Variants in GABARAP observed in about 807,000 individuals in gnomAD.
GABARAP encodes GABA type A receptor-associated protein, also known as gamma-aminobutyric acid receptor-associated protein.
Under a neutral mutation model 16.7 loss-of-function variants are expected in GABARAP, and 5 were observed. The ratio of observed to expected loss-of-function variants is 0.30; its 90% CI spans 0.16 to 0.63. GABARAP has a LOEUF of 0.63. GABARAP is among the 20% of genes least tolerant of loss of function. The probability of loss-of-function intolerance (pLI) is 0.82; values close to 1 mark genes in which losing one functional copy is unlikely to be tolerated. For synonymous variants in GABARAP, 45 were observed against 52.7 expected (o/e 0.85, Z 0.64); for missense variants, 84 against 146.6 (o/e 0.57, Z 2.21).
Position 7,240,703 on chromosome 17 carries a change from G to A in GABARAP, c.*151C>T, listed in dbSNP as rs903247563. 16 of 633,208 alleles carry A rather than the reference G, an allele frequency of 2.5e-5. No homozygotes were observed. The highest frequency in any genetic ancestry group is 2.4e-4 in the African/African-American group (13 of 54,912). 39.2% of individuals were successfully genotyped at this position (633,208 alleles called of 1,614,324 possible). ...CCAACTCCACCATTACCCCTCCTAA[G>A]AGAGGCTGGAGAGAAAGCCACAAAC... On this transcript the variant is annotated 3_prime_UTR_variant, in exon 4 of 4. Transcript: ENST00000302386.
In GABARAP at chr17:7,240,597, C is replaced by G. The variant is rs1201866971; in HGVS notation, c.*257G>C. 6.9e-6 allele frequency: 3 copies of G among 435,304 alleles called. No individual in the cohort carries two copies. Among genetic ancestry groups the G allele is most frequent in the African/African-American group, 2.0e-5 (1 of 49,000 alleles). 27.0% of individuals were successfully genotyped at this position (435,304 alleles called of 1,614,324 possible). A position where few individuals can be genotyped will look rare whatever the true frequency, so the allele number is the denominator to read the frequency against. ...AAACAATCACTGGATGTGACACAGA[C>G]TGACAATCAAGAAGTCTACAGCAGG... is the stretch of plus-strand genomic sequence containing the variant. On this transcript the variant is annotated 3_prime_UTR_variant, in exon 4 of 4. Transcript: ENST00000302386.
chr17:7,242,182 G>T, intron 1 of GABARAP, 59 bp downstream of exon 1: 3 of 1,310,546 alleles, frequency 2.3e-6, no homozygotes, highest in Non-Finnish European at 3.3e-6. Flanking sequence ...CCGATCCAAG[G>T]CCAGGCTGTG....
chr17:7,241,658 T>C lies in GABARAP; in HGVS notation c.112A>G (p.Lys38Glu). 1 of 1,610,234 alleles carries C rather than the reference T, an allele frequency of 6.2e-7. No individual in the cohort carries two copies. Among genetic ancestry groups the C allele is most frequent in the Non-Finnish European group, 8.5e-7 (1 of 1,176,496 alleles). Residue 38 changes from lysine (K) to glutamate (E), a missense_variant, in exon 2 of 4, where the codon AAA (lysine) becomes GAA (glutamate). By Grantham distance (56) the Lys-to-Glu change is moderately conservative. Transcript: ENST00000302386. ...TTGTCCAGGTCTCCTATCCGAGCTT[T>C]GGGAGCCTTTTCTACTATCACCTGA... ...RVPVIVEKAP[K>E]ARIGDLDKKK...
At chr17:7,241,277 T>C in intron 3 of GABARAP, 65 bp downstream of exon 3, 1 of 851,494 alleles carries the variant, frequency 1.2e-6, no homozygotes, top group South Asian at 1.3e-5. Flanking sequence ...GTAACAACAC[T>C]TTCTTCCCCT....
At chr17:7,241,183 C>T (rs988886985) in intron 3 of GABARAP, 159 bp downstream of exon 3, 3 of 691,146 alleles carry the variant, frequency 4.3e-6, no homozygotes, top group Admixed American at 2.2e-5. Context: ...CTTCTCTCTA[C>T]TCCTACTGTT....
In GABARAP at chr17:7,241,479, G is replaced by A. The variant is rs2071777944; in HGVS notation, c.170-19C>T. 2.1e-6 allele frequency: 3 copies of A among 1,415,508 alleles called. No individual in the cohort carries two copies. The highest frequency in any genetic ancestry group is 1.4e-5 in the African/African-American group (1 of 71,154). The allele number at this position is 1,415,508 out of a possible 1,614,324, so 87.7% of individuals were successfully genotyped here. Reference sequence around the variant, plus strand: ...TGACCAACTGCAAAAGATACAAGATGCAAGAAAGTCACAGAGGTCAAAAAT... The same window carrying A: ...TGACCAACTGCAAAAGATACAAGATACAAGAAAGTCACAGAGGTCAAAAAT... On this transcript the variant is annotated intron_variant, in intron 2 of 3. Transcript: ENST00000302386.
chr17:7,241,859 T>G, intron 1 of GABARAP, 180 bp from the exon 2 acceptor site: 2 of 612,426 alleles, frequency 3.3e-6, no homozygotes. Flanking sequence ...GGAGCTCATT[T>G]AAATATCCAG....
In GABARAP at chr17:7,240,625, G is replaced by A; in HGVS notation, c.*229C>T. ...ACAATCAAGAAGTCTACAGCAGGAT[G>A]GGAAAGGCGGGCAGAGAAAGGGGAA... is the stretch of plus-strand genomic sequence containing the variant. On this transcript the variant is annotated 3_prime_UTR_variant, in exon 4 of 4. Transcript: ENST00000302386. 1 of 516,612 alleles carries A rather than the reference G, an allele frequency of 1.9e-6. No homozygotes were observed. Among genetic ancestry groups the A allele is most frequent in the Non-Finnish European group, 3.5e-6 (1 of 288,684 alleles). The allele number at this position is 516,612 out of a possible 1,614,324, so 32.0% of individuals were successfully genotyped here. A position where few individuals can be genotyped will look rare whatever the true frequency, so the allele number is the denominator to read the frequency against.
Position 7,242,226 on chromosome 17 carries a change from G to A in GABARAP, c.90+15C>T, listed in dbSNP as rs767721122. ...GTAAGCGTCCCGCGCCCTCGGCCCT[G>A]GCTACTGTCCTCACCGGCACCCGGT... On this transcript the variant is annotated intron_variant, in intron 1 of 3. Transcript: ENST00000302386. The A allele has an allele frequency of 6.2e-7, 1 of 1,600,218 alleles. No homozygotes were observed. The highest frequency in any genetic ancestry group is 1.1e-5 in the South Asian group (1 of 90,776).
intron 3 of GABARAP, 196 bp downstream of exon 3, chr17:7,241,146 A>C (rs926097979): frequency 1.5e-6 from 1 of 680,254 alleles, no homozygotes; most frequent in African/African-American, 1.8e-5. Context: ...CCGAACAGAT[A>C]GTTTCTCTAG....
At position 7,240,696 on chromosome 17, in the gene GABARAP, C is replaced by G; in HGVS notation, c.*158G>C. 2 of 621,254 alleles carry G rather than the reference C, an allele frequency of 3.2e-6. No individual in the cohort carries two copies. Among genetic ancestry groups the G allele is most frequent in the East Asian group, 2.7e-5 (1 of 37,364 alleles). 38.5% of individuals were successfully genotyped at this position (621,254 alleles called of 1,614,324 possible). A position where few individuals can be genotyped will look rare whatever the true frequency, so the allele number is the denominator to read the frequency against. ...CAAGATGCCAACTCCACCATTACCC[C>G]TCCTAAGAGAGGCTGGAGAGAAAGC... On this transcript the variant is annotated 3_prime_UTR_variant, in exon 4 of 4. Transcript: ENST00000302386.
At chr17:7,242,055 T>A (rs1180014131) in intron 1 of GABARAP, 186 bp downstream of exon 1, 2 of 608,248 alleles carry the variant, frequency 3.3e-6, no homozygotes, top group Admixed American at 5.8e-5. Flanking sequence ...TCCACATCCC[T>A]CTCAACCCCA....
chr17:7,241,240 C>A, intron 3 of GABARAP, 102 bp downstream of exon 3: 1 of 758,256 alleles, frequency 1.3e-6, no homozygotes, highest in Non-Finnish European at 2.4e-6. Context: ...TTAAGGCAAG[C>A]CAGGAAGCTA....
intron 3 of GABARAP, chr17:7,241,132 A>G: frequency 4.4e-6 from 3 of 677,946 alleles, no homozygotes; most frequent in Non-Finnish European, 5.3e-6. Context: ...GACTGGGAAG[A>G]GTCCCGAACA....
At chr17:7,241,566 A>C in intron 2 of GABARAP, 35 bp downstream of exon 2, 1 of 1,522,740 alleles carries the variant, frequency 6.6e-7, no homozygotes, top group South Asian at 1.1e-5. Flanking sequence ...TCCCACCCAC[A>C]GGAAGCAAGC....
rs865958649 is a variant in GABARAP, at chr17:7,240,801, G to A, written c.*53C>T. On this transcript the variant is annotated 3_prime_UTR_variant, in exon 4 of 4. Transcript: ENST00000302386. The stretch of plus-strand genomic sequence containing the variant: ...AGGAGGAGGAGGTCAAGAAAGGGGG[G>A]CCACCTCTCTCTTTGTAGAATGAGA... 2 of 1,227,152 alleles carry A rather than the reference G, an allele frequency of 1.6e-6. No homozygotes were observed. Among genetic ancestry groups the A allele is most frequent in the South Asian group, 2.4e-5 (2 of 82,978 alleles). 76.0% of individuals were successfully genotyped at this position (1,227,152 alleles called of 1,614,324 possible).
chr17:7,241,361 G>A lies in GABARAP; in HGVS notation c.269C>T (p.Thr90Ile). Residue 90 changes from threonine (T) to isoleucine (I), a missense_variant, in exon 3 of 4, where the codon ACA becomes ATA. By Grantham distance (89) the Thr-to-Ile change is moderately conservative. Coordinates refer to ENST00000302386, the MANE Select transcript of GABARAP (RefSeq NM_007278.2). The part of the protein sequence containing the change: ...VNNVIPPTSA[T>I]MGQLYQEHHE... ...CCATACCTGGTACAGCTGACCCATT[G>A]TGGCACTGGTGGGTGGAATGACATT... 1.3e-6 allele frequency: 2 copies of A among 1,524,682 alleles called. No individual in the cohort carries two copies. 94.4% of individuals were successfully genotyped at this position (1,524,682 alleles called of 1,614,324 possible).
At position 7,240,787 on chromosome 17, in the gene GABARAP, G is replaced by T; in HGVS notation, c.*67C>A. The T allele has an allele frequency of 1.9e-6, 2 of 1,044,450 alleles. No homozygotes were observed. Among genetic ancestry groups the T allele is most frequent in the Non-Finnish European group, 1.5e-6 (1 of 664,942 alleles). The allele number at this position is 1,044,450 out of a possible 1,614,324, so 64.7% of individuals were successfully genotyped here. A position where few individuals can be genotyped will look rare whatever the true frequency, so the allele number is the denominator to read the frequency against. On this transcript the variant is annotated 3_prime_UTR_variant, in exon 4 of 4. Transcript: ENST00000302386. Reference sequence around the variant, plus strand: ...GTGTTTGAGCTTGAAGGAGGAGGAGGTCAAGAAAGGGGGGCCACCTCTCTC... The same window carrying T: ...GTGTTTGAGCTTGAAGGAGGAGGAGTTCAAGAAAGGGGGGCCACCTCTCTC...
Position 7,240,841 on chromosome 17 carries a change from A to G in GABARAP, c.*13T>C, listed in dbSNP as rs769223053. 1 of 1,595,286 alleles carries G rather than the reference A, an allele frequency of 6.3e-7. No homozygotes were observed. The highest frequency in any genetic ancestry group is 1.1e-5 in the South Asian group (1 of 90,658). On this transcript the variant is annotated 3_prime_UTR_variant, in exon 4 of 4. Transcript: ENST00000302386. Reference sequence around the variant, plus strand: ...GTAGAATGAGACCCCCCTCCAGCTCAGGGGCAGCAGCTTCACAGACCGTAG... The same window carrying G: ...GTAGAATGAGACCCCCCTCCAGCTCGGGGGCAGCAGCTTCACAGACCGTAG...
Sources: allele counts gnomAD v4.1 joint callset, GRCh38; gene constraint gnomAD v4.1.1; transcripts MANE v1.5; gene names NCBI Gene and HGNC (gene_info 2026-07-23, HGNC 2026-07-21).